Variants in LRRC8D observed in about 807,000 individuals in gnomAD.
The protein encoded by LRRC8D is volume-regulated anion channel subunit LRRC8D.
LRRC8D carries 20 observed loss-of-function variants against 55.8 expected under a neutral mutation model. The observed-to-expected ratio is 0.36, with a 90% CI of 0.25 to 0.52. The LOEUF (loss-of-function observed/expected upper bound fraction) is 0.52, where lower values mean the gene tolerates loss of function less well. Ranked by LOEUF, LRRC8D falls within the 20% of genes least tolerant of loss-of-function variation. The pLI is 0.93. For synonymous variants in LRRC8D, 352 were observed against 377.0 expected (o/e 0.93, Z 0.77); for missense variants, 651 against 1,030.8 (o/e 0.63, Z 5.05).
chr1:89,869,069 G>T (rs1305733584), intron 2 of LRRC8D, among the ~76,000 whole-genome samples: 1 of 152,012 alleles, frequency 6.6e-6, no homozygotes, highest in African/African-American at 2.4e-5. Context: ...ACCATGCCCG[G>T]CTAATTTTTG....
chr1:89,914,216 C>T (rs1663199486), intron 2 of LRRC8D, among the ~76,000 whole-genome samples: 1 of 152,214 alleles, frequency 6.6e-6, no homozygotes, highest in Non-Finnish European at 1.5e-5. Flanking sequence ...CTTGGTCTTA[C>T]TGACTTCAAG....
In LRRC8D at chr1:89,911,092, T is replaced by C. The variant is rs1353806352; in HGVS notation, c.-2-21975T>C. ...CTGAATGCTTGACCTTCCCAGGGAGTTTCAGCGGGTGAGAAAGCCTGACAC... is the reference window on the plus strand; with the variant it reads ...CTGAATGCTTGACCTTCCCAGGGAGCTTCAGCGGGTGAGAAAGCCTGACAC... On this transcript the variant is annotated intron_variant, in intron 2 of 2. Coordinates refer to ENST00000337338, the MANE Select transcript of LRRC8D (RefSeq NM_001134479.2). The surrounding 1 kb of genome is among the most constrained non-coding windows in gnomAD (Gnocchi z 4.0). 6.6e-6 allele frequency among the ~76,000 whole-genome samples: 1 copy of C among 151,990 alleles called. No individual in the cohort carries two copies. The highest frequency in any genetic ancestry group is 1.5e-5 in the Non-Finnish European group (1 of 68,010).
rs184779960 is a variant in LRRC8D, at chr1:89,923,551, G to A, written c.-2-9516G>A. On this transcript the variant is annotated intron_variant, in intron 2 of 2. Transcript: ENST00000337338. Reference sequence around the variant, plus strand: ...CAGTGCTATTCCTATCAAACTACCAGTGTCATTTTTCACAGAATTAGAAAA... The same window carrying A: ...CAGTGCTATTCCTATCAAACTACCAATGTCATTTTTCACAGAATTAGAAAA... Among the ~76,000 whole-genome samples, 223 of 152,192 alleles carry A rather than the reference G, an allele frequency of 1.5e-3. 1 individual carries two copies. The highest frequency in any genetic ancestry group is 4.9e-3 in the African/African-American group (202 of 41,522).
intron 2 of LRRC8D, among the ~76,000 whole-genome samples, chr1:89,876,173 G>T (rs1390167154): frequency 1.3e-5 from 2 of 152,106 alleles, no homozygotes; most frequent in African/African-American, 4.8e-5. Context: ...GACTTTCCTG[G>T]GGCTGAGGTT....
At chr1:89,874,480 T>G (rs1016862796) in intron 2 of LRRC8D, among the ~76,000 whole-genome samples, 3 of 138,948 alleles carry the variant, frequency 2.2e-5, no homozygotes, top group Non-Finnish European at 1.6e-5. Context: ...TGTGTGTGTG[T>G]GGTAAGTGGG....
At chr1:89,903,368 A>T (rs149552901) in intron 2 of LRRC8D, among the ~76,000 whole-genome samples, 39 of 152,324 alleles carry the variant, frequency 2.6e-4, no homozygotes, top group African/African-American at 9.1e-4. Context: ...ATATTAGGTT[A>T]TATCTCTTCT....
intron 1 of LRRC8D, 41 bp from the exon 2 acceptor site, chr1:89,843,592 CACTTG>C: frequency 2.9e-6 from 2 of 698,536 alleles, no homozygotes; most frequent in South Asian, 1.5e-5. Context: ...CCGCTGCCGA[CACTTG>C]GATCTCTCTA....
At chr1:89,932,203 C>T (rs1557489757) in intron 2 of LRRC8D, among the ~76,000 whole-genome samples, 1 of 152,162 alleles carries the variant, frequency 6.6e-6, no homozygotes, top group African/African-American at 2.4e-5. Context: ...CATGGCTGCT[C>T]GGGTCACCTG....
intron 1 of LRRC8D, among the ~76,000 whole-genome samples, chr1:89,837,485 T>C (rs1661027999): frequency 1.3e-5 from 2 of 152,208 alleles, no homozygotes; most frequent in Admixed American, 1.3e-4. Flanking sequence ...TAAGAAAATG[T>C]GTTGGTTAAA....
intron 2 of LRRC8D, among the ~76,000 whole-genome samples, chr1:89,875,409 T>C (rs1458593783): frequency 6.6e-6 from 1 of 152,058 alleles, no homozygotes; most frequent in African/African-American, 2.4e-5. Context: ...TTTTAGAAGC[T>C]AGATTATACA....
At chr1:89,906,082 A>T (rs1157041325) in intron 2 of LRRC8D, among the ~76,000 whole-genome samples, 1 of 152,196 alleles carries the variant, frequency 6.6e-6, no homozygotes, top group Admixed American at 6.5e-5. Flanking sequence ...GCACATTTTT[A>T]TGGGGCAGCC....
chr1:89,872,363 T>C (rs1236488432), intron 2 of LRRC8D, among the ~76,000 whole-genome samples: 1 of 152,222 alleles, frequency 6.6e-6, no homozygotes, highest in Admixed American at 6.5e-5. Context: ...GGTCGAAAAC[T>C]GCCCAGTGGG....
In LRRC8D at chr1:89,933,424, A is replaced by G; in HGVS notation, c.356A>G (p.Asp119Gly). ...CTCAGAGCCACATATCCTCGCACAG[A>G]TTTCGCACTTCCAAATCAGGAGGCA... is the stretch of plus-strand genomic sequence containing the variant. ...IPLRATYPRT[D>G]FALPNQEAKK... The change falls in exon 3 of 3, where the codon GAT becomes GGT. Residue 119 changes from aspartate to glycine, a missense_variant. By Grantham distance (94) the Asp-to-Gly change is moderately conservative. Transcript: ENST00000337338. The surrounding 1 kb of genome is among the most constrained non-coding windows in gnomAD (Gnocchi z 7.0). 1 of 1,614,132 alleles carries G rather than the reference A, an allele frequency of 6.2e-7. No homozygotes were observed. Among genetic ancestry groups the G allele is most frequent in the Non-Finnish European group, 8.5e-7 (1 of 1,180,036 alleles).
intron 1 of LRRC8D, chr1:89,822,160 ACTG>A (rs1316034952): frequency 2.6e-5 from 4 of 152,726 alleles, no homozygotes; most frequent in Non-Finnish European, 4.4e-5. Context: ...GTGAAGAAGA[ACTG>A]CTGCAGGTCG....
At chr1:89,919,019 G>A (rs1013173078) in intron 2 of LRRC8D, among the ~76,000 whole-genome samples, 1 of 152,166 alleles carries the variant, frequency 6.6e-6, no homozygotes, top group Non-Finnish European at 1.5e-5. Context: ...CTCCCATTAG[G>A]TGGAGGCATT....
chr1:89,895,927 G>A (rs1055840430), intron 2 of LRRC8D, among the ~76,000 whole-genome samples: 17 of 152,300 alleles, frequency 1.1e-4, no homozygotes, highest in Middle Eastern at 3.4e-3. Flanking sequence ...AAAAGGAAAG[G>A]TATGACAGCA....
intron 2 of LRRC8D, among the ~76,000 whole-genome samples, chr1:89,892,901 T>C (rs1662615861): frequency 6.6e-6 from 1 of 152,222 alleles, no homozygotes. Flanking sequence ...TAAAATTCAA[T>C]CAGACAAAGT....
At chr1:89,836,216 GT>G (rs1444201331) in intron 1 of LRRC8D, among the ~76,000 whole-genome samples, 1 of 151,826 alleles carries the variant, frequency 6.6e-6, no homozygotes, top group Non-Finnish European at 1.5e-5. Flanking sequence ...ACTCTCATTT[GT>G]TAGTTCTAAA....
At chr1:89,859,607 G>A (rs1661648936) in intron 2 of LRRC8D, among the ~76,000 whole-genome samples, 1 of 152,102 alleles carries the variant, frequency 6.6e-6, no homozygotes, top group South Asian at 2.1e-4. Context: ...ACCCCAAAAG[G>A]ACATAAAGTA....
Sources: allele counts gnomAD v4.1 joint callset (sites outside exome capture counted in the v4.1 genomes callset), GRCh38; gene constraint gnomAD v4.1.1; non-coding constraint Gnocchi (gnomAD v3.1); transcripts MANE v1.5; gene names NCBI Gene and HGNC (gene_info 2026-07-23, HGNC 2026-07-21).